Variants in DNAI2 observed in about 807,000 individuals in gnomAD.
DNAI2 encodes the protein dynein, axonemal, intermediate polypeptide 2.
In DNAI2, 63 loss-of-function variants were observed where a neutral mutation model predicts 74.7. The observed-to-expected ratio is 0.84, with a 90% confidence interval of 0.69 to 1.04. The LOEUF (loss-of-function observed/expected upper bound fraction) is 1.04. Ranked by LOEUF, DNAI2 falls within the 50% of genes least tolerant of loss-of-function variation. The probability of loss-of-function intolerance (pLI) is 0.00; values close to 1 mark genes in which losing one functional copy is unlikely to be tolerated. For missense variants in DNAI2, 688 were observed against 803.2 expected (o/e 0.86, Z 1.73); for synonymous variants, 289 against 314.9 (o/e 0.92, Z 0.87).
chr17:74,313,039 A>G (rs996438579), intron 12 of DNAI2, among the ~76,000 whole-genome samples: 1 of 152,254 alleles, frequency 6.6e-6, no homozygotes, highest in Admixed American at 6.5e-5. Context: ...TGAAAATGTG[A>G]GGGCCCTCGT....
chr17:74,312,247 G>T lies in DNAI2; in HGVS notation c.1722+17G>T. 2 of 558,674 alleles carry T rather than the reference G, an allele frequency of 3.6e-6. No individual in the cohort carries two copies. Among genetic ancestry groups the T allele is most frequent in the Non-Finnish European group, 7.2e-6 (2 of 279,258 alleles). 34.6% of individuals were successfully genotyped at this position (558,674 alleles called of 1,614,324 possible). A position where few individuals can be genotyped will look rare whatever the true frequency, so the allele number is the denominator to read the frequency against. On this transcript the variant is annotated intron_variant, in intron 12 of 13. Transcript: ENST00000311014. ...CCAGTGCCTGTAGGGGCCTGGACAGGGGTTGGGTGGGTTGGGGACTGGGCG... is the reference window on the plus strand; with the variant it reads ...CCAGTGCCTGTAGGGGCCTGGACAGTGGTTGGGTGGGTTGGGGACTGGGCG...
chr17:74,304,186 C>CTTTTTTTTTTTTTTTTTTTTT (rs56696514), intron 8 of DNAI2, among the ~76,000 whole-genome samples: 68 of 67,650 alleles, frequency 1.0e-3, no homozygotes, highest in Non-Finnish European at 1.3e-3. Context: ...TTTCTTTTTT[C>CTTTTTTTTTTTTTTTTTTTTT]TTTTTTTTTT....
chr17:74,278,261 A>G (rs2051203765), intron 1 of DNAI2, among the ~76,000 whole-genome samples: 2 of 140,032 alleles, frequency 1.4e-5, no homozygotes, highest in African/African-American at 5.4e-5. Context: ...GAGACCCTCA[A>G]CTCTACAAAA....
In DNAI2 at chr17:74,301,859, GA is replaced by G. The variant is rs1410840713; in HGVS notation, c.987+694del. 6.2e-4 allele frequency among the ~76,000 whole-genome samples: 69 copies of G among 111,452 alleles called. 1 individual carries two copies. The highest frequency in any genetic ancestry group is 2.4e-3 in the African/African-American group (66 of 27,248). The allele number at this position is 111,452 out of a possible 152,430, so 73.1% of individuals were successfully genotyped here. ...AGGGAAAGAAAAGGAAAGAAGGAAG[GA>G]AAGAAGGAAGGAAGGAAGGAAGGAA... On this transcript the variant is annotated intron_variant, in intron 8 of 13. Coordinates refer to ENST00000311014, the MANE Select transcript of DNAI2 (RefSeq NM_023036.6).
chr17:74,281,766 CG>C, intron 1 of DNAI2, 40 bp from the exon 2 acceptor site: 4 of 1,586,574 alleles, frequency 2.5e-6, no homozygotes, highest in Non-Finnish European at 3.5e-6. Context: ...GGGAAGGGGC[CG>C]GTGGGGTCCC....
chr17:74,292,890 C>T (rs1210960640), intron 6 of DNAI2, among the ~76,000 whole-genome samples: 1 of 150,502 alleles, frequency 6.6e-6, no homozygotes, highest in East Asian at 1.9e-4. Context: ...AGTGCAGTGG[C>T]GCGATCTTGG....
At position 74,291,551 on chromosome 17, in the gene DNAI2, G is replaced by A. The variant is rs552978636; in HGVS notation, c.724+418G>A. On this transcript the variant is annotated intron_variant, in intron 6 of 13. Transcript: ENST00000311014. ...TGGGCTCGGCCACAGAAGACTAAGT[G>A]GGGTGAGGGCCTCCCATAGCTGACC... Among the ~76,000 whole-genome samples the A allele has an allele frequency of 2.3e-4, 35 of 152,352 alleles. No homozygotes were observed. The East Asian group carries it at 6.2e-3, about 27-fold the overall frequency.
intron 1 of DNAI2, among the ~76,000 whole-genome samples, chr17:74,277,112 T>G (rs1427448942): frequency 1.3e-5 from 2 of 151,970 alleles, no homozygotes; most frequent in African/African-American, 4.8e-5. Flanking sequence ...CAAGGCTGGG[T>G]GCGGTGGCTC....
intron 8 of DNAI2, among the ~76,000 whole-genome samples, chr17:74,303,173 C>T (rs913230384): frequency 6.6e-6 from 1 of 152,128 alleles, no homozygotes; most frequent in Non-Finnish European, 1.5e-5. Context: ...CAGACACACA[C>T]GATGAGTCTT....
chr17:74,301,930 G>A (rs1438088237), intron 8 of DNAI2, among the ~76,000 whole-genome samples: 34 of 10,808 alleles, frequency 3.1e-3, no homozygotes, highest in Non-Finnish European at 6.2e-3. Context: ...AAGGAAGGAA[G>A]GAAGGAAGGA....
chr17:74,282,936 C>T (rs1206790669), intron 2 of DNAI2, among the ~76,000 whole-genome samples: 1 of 152,238 alleles, frequency 6.6e-6, no homozygotes, highest in African/African-American at 2.4e-5. Flanking sequence ...CAACTGCTCC[C>T]CCGGGGATGA....
At chr17:74,311,042 T>C (rs751678408) in intron 11 of DNAI2, among the ~76,000 whole-genome samples, 4 of 152,000 alleles carry the variant, frequency 2.6e-5, no homozygotes, top group Non-Finnish European at 5.9e-5. Context: ...GCCTGGCTCA[T>C]TTTTTAATTT....
intron 12 of DNAI2, among the ~76,000 whole-genome samples, chr17:74,313,136 C>T (rs2053631668): frequency 6.6e-6 from 1 of 152,218 alleles, no homozygotes; most frequent in Admixed American, 6.5e-5. Context: ...AGTGTATCTG[C>T]ACAGAGCACC....
At chr17:74,297,607 C>G (rs2052525749) in intron 6 of DNAI2, among the ~76,000 whole-genome samples, 1 of 151,752 alleles carries the variant, frequency 6.6e-6, no homozygotes, top group Admixed American at 6.6e-5. Flanking sequence ...TTCTCAAACT[C>G]CTGGCCTCAA....
intron 9 of DNAI2, among the ~76,000 whole-genome samples, chr17:74,306,924 T>C (rs1403187563): frequency 2.0e-5 from 3 of 151,932 alleles, no homozygotes; most frequent in African/African-American, 7.3e-5. Context: ...GGTGGAGGAG[T>C]GATTTTTTTA....
rs878855078 is a variant in DNAI2 at position 74,310,089 on chromosome 17, G to A, written c.1420G>A (p.Gly474Arg). Residue 474 changes from glycine to arginine, a missense_variant, in exon 11 of 14, where the codon GGG becomes AGG. Transcript: ENST00000311014. Reference protein sequence around the residue: ...GCLIACGSQLGTTTLLEVSPG... With the variant: ...GCLIACGSQLRTTTLLEVSPG... ...TCTCATCGCCTGCGGCTCCCAGCTG[G>A]GGACAACCACCCTGCTGGAGGTCTC... 15 of 1,613,780 alleles carry A rather than the reference G, an allele frequency of 9.3e-6. No homozygotes were observed. Among genetic ancestry groups the A allele is most frequent in the Non-Finnish European group, 1.3e-5 (15 of 1,180,038 alleles).
intron 5 of DNAI2, 49 bp from the exon 6 acceptor site, chr17:74,290,971 G>T (rs1224884648): frequency 6.5e-7 from 1 of 1,543,076 alleles, no homozygotes; most frequent in Non-Finnish European, 9.0e-7. Context: ...GGTTGATCCT[G>T]TCCTTTTCTT....
chr17:74,286,871 G>A, intron 3 of DNAI2, 106 bp from the exon 4 acceptor site: 1 of 1,491,572 alleles, frequency 6.7e-7, no homozygotes, highest in Non-Finnish European at 9.3e-7. Flanking sequence ...AGGTGGATGG[G>A]AAAAGCCCCT....
At chr17:74,287,200 G>A in intron 4 of DNAI2, 102 bp downstream of exon 4, 1 of 1,528,438 alleles carries the variant, frequency 6.5e-7, no homozygotes, top group Non-Finnish European at 8.9e-7. Flanking sequence ...CCTGGGTGCA[G>A]CACTGTCTGT....
Sources: gnomAD v4.1 joint callset for allele counts (sites outside exome capture counted in the v4.1 genomes callset) on GRCh38, gnomAD v4.1.1 for gene constraint, MANE v1.5 for transcripts, NCBI Gene and HGNC (gene_info 2026-07-23, HGNC 2026-07-21) for gene names.